Variants in MTUS2 observed in about 807,000 individuals in gnomAD.
The protein encoded by MTUS2 is microtubule-associated tumor suppressor candidate 2.
Under a neutral mutation model 114.1 loss-of-function variants are expected in MTUS2, and 40 were observed. That is an observed-to-expected ratio of 0.35 (90% CI 0.27 to 0.46). The LOEUF (loss-of-function observed/expected upper bound fraction) is 0.46, where lower values mean the gene tolerates loss of function less well. MTUS2 is among the 20% of genes least tolerant of loss of function. The pLI, the probability that MTUS2 is intolerant of heterozygous loss-of-function variation, is 1.00. For synonymous variants in MTUS2, 688 were observed against 672.0 expected (o/e 1.02, Z -0.37); for missense variants, 1,679 against 1,705.4 (o/e 0.98, Z 0.27).
rs536620100 is a variant in MTUS2, at chr13:29,376,059, G to A, written c.3117+16586G>A. ...TATATATGTGTGTGTGTGTGTGTGT[G>A]TATATATATTTATTTATTTATTTAA... On this transcript the variant is annotated intron_variant, in intron 8 of 15. Coordinates refer to ENST00000612955, the MANE Select transcript of MTUS2 (RefSeq NM_001033602.4). 9.6e-3 allele frequency among the ~76,000 whole-genome samples: 1,367 copies of A among 142,996 alleles called. 14 individuals carry two copies. Among genetic ancestry groups the A allele is most frequent in the African/African-American group, 0.027 (1,036 of 38,810 alleles). 93.8% of individuals were successfully genotyped at this position (142,996 alleles called of 152,430 possible). A position where few individuals can be genotyped will look rare whatever the true frequency, so the allele number is the denominator to read the frequency against.
chr13:28,969,462 G>T (rs1267693236), intron 2 of MTUS2, among the ~76,000 whole-genome samples: 1 of 151,778 alleles, frequency 6.6e-6, no homozygotes, highest in Non-Finnish European at 1.5e-5. Flanking sequence ...TTATTATGAT[G>T]ATTATTATTT....
chr13:28,991,541 T>G (rs2138338854), intron 2 of MTUS2, among the ~76,000 whole-genome samples: 1 of 152,194 alleles, frequency 6.6e-6, no homozygotes, highest in Admixed American at 6.5e-5. Flanking sequence ...GCTAATTTTT[T>G]GTATTTTTAG....
chr13:29,368,122 T>G (rs1870886215), intron 8 of MTUS2, among the ~76,000 whole-genome samples: 1 of 151,884 alleles, frequency 6.6e-6, no homozygotes, highest in Admixed American at 6.6e-5. Context: ...GTATTTTTAG[T>G]GGAGACAGGG....
At chr13:29,497,427 G>C in intron 13 of MTUS2, 91 bp downstream of exon 13, 10 of 1,109,536 alleles carry the variant, frequency 9.0e-6, no homozygotes, top group Non-Finnish European at 1.3e-5. Context: ...CCAAGACAAG[G>C]CCTCTCTGTG....
rs201781469 is a variant in MTUS2, at chr13:29,403,881, TA to T, written c.3118-36101del. ...TCTATCTGGTTTCTCCTGCCTTCCT[TA>T]CTCTTCCTCATATTTTTCCCATCTT... On this transcript the variant is annotated intron_variant, in intron 8 of 15. Transcript: ENST00000612955. Among the ~76,000 whole-genome samples, 811 of 152,196 alleles carry T rather than the reference TA, an allele frequency of 5.3e-3. 3 individuals carry two copies. Among genetic ancestry groups the T allele is most frequent in the Non-Finnish European group, 8.0e-3 (545 of 68,008 alleles).
chr13:29,246,262 A>G (rs1397273999), intron 5 of MTUS2, among the ~76,000 whole-genome samples: 1 of 152,234 alleles, frequency 6.6e-6, no homozygotes, highest in Non-Finnish European at 1.5e-5. Flanking sequence ...TAAAAGGGAC[A>G]GCAGGCAAGA....
At chr13:29,036,414 C>G (rs1344986184) in intron 4 of MTUS2, among the ~76,000 whole-genome samples, 1 of 152,146 alleles carries the variant, frequency 6.6e-6, no homozygotes, top group Non-Finnish European at 1.5e-5. Context: ...TTGTTTACAT[C>G]TAACCTCCTT....
intron 4 of MTUS2, among the ~76,000 whole-genome samples, chr13:29,083,610 GCA>G (rs1889541226): frequency 6.6e-6 from 1 of 152,124 alleles, no homozygotes; most frequent in African/African-American, 2.4e-5. Flanking sequence ...TAGCACTATG[GCA>G]TTAAGGTTAC....
intron 8 of MTUS2, among the ~76,000 whole-genome samples, chr13:29,390,716 G>C (rs1478770049): frequency 6.6e-6 from 1 of 151,614 alleles, no homozygotes; most frequent in Non-Finnish European, 1.5e-5. Context: ...AATCGGTGTT[G>C]GTTTAGGAAC....
intron 5 of MTUS2, among the ~76,000 whole-genome samples, chr13:29,237,939 AAAAAG>A (rs1167303186): frequency 1.3e-5 from 2 of 152,206 alleles, no homozygotes; most frequent in Non-Finnish European, 1.5e-5. Flanking sequence ...AAAAAAAGAA[AAAAAG>A]AAAAGAAACA....
intron 9 of MTUS2, among the ~76,000 whole-genome samples, chr13:29,475,898 G>A (rs553120815): frequency 1.3e-5 from 2 of 152,228 alleles, no homozygotes; most frequent in East Asian, 1.9e-4. Context: ...CTAAGTGTAT[G>A]GTGTTTCTAA....
chr13:29,027,101 T>G (rs1186379044), intron 3 of MTUS2, among the ~76,000 whole-genome samples, 198 bp downstream of exon 3: 1 of 152,238 alleles, frequency 6.6e-6, no homozygotes, highest in African/African-American at 2.4e-5. Context: ...AGAGTCTGAT[T>G]ATCTTAATAA....
chr13:28,903,948 A>G (rs780943192), intron 2 of MTUS2, among the ~76,000 whole-genome samples: 4 of 152,058 alleles, frequency 2.6e-5, no homozygotes, highest in African/African-American at 4.8e-5. Context: ...TTTAATGATC[A>G]CCATTCTAAC....
chr13:29,206,625 C>T (rs187817579), intron 5 of MTUS2, among the ~76,000 whole-genome samples: 5 of 152,160 alleles, frequency 3.3e-5, no homozygotes, highest in South Asian at 4.1e-4. Context: ...CTTCTGCATG[C>T]GGCTTGCCAG....
At chr13:29,027,135 C>A (rs1342998511) in intron 3 of MTUS2, among the ~76,000 whole-genome samples, 1 of 152,064 alleles carries the variant, frequency 6.6e-6, no homozygotes, top group Non-Finnish European at 1.5e-5. Flanking sequence ...TCTAAGGAGA[C>A]CCATTTAAAT....
chr13:29,222,995 G>T (rs1356202168), intron 5 of MTUS2, among the ~76,000 whole-genome samples: 1 of 152,168 alleles, frequency 6.6e-6, no homozygotes, highest in Non-Finnish European at 1.5e-5. Flanking sequence ...ACTAAGGGTG[G>T]CTCAGTGTGG....
chr13:29,435,711 C>T (rs1243919712), intron 8 of MTUS2, among the ~76,000 whole-genome samples: 1 of 152,224 alleles, frequency 6.6e-6, no homozygotes, highest in Non-Finnish European at 1.5e-5. Context: ...CTACGTCATT[C>T]TGGTTTGGCT....
intron 2 of MTUS2, among the ~76,000 whole-genome samples, chr13:28,951,802 G>GA (rs1161563269): frequency 1.8e-3 from 254 of 144,660 alleles, no homozygotes; most frequent in Middle Eastern, 3.5e-3. Context: ...CTGGCTCAAA[G>GA]AAAAAAAAAA....
intron 7 of MTUS2, among the ~76,000 whole-genome samples, chr13:29,338,118 C>T (rs1901176874): frequency 6.6e-6 from 1 of 151,934 alleles, no homozygotes; most frequent in Admixed American, 6.6e-5. Context: ...GCCAGCCACC[C>T]TACCTTTTCT....
Sources: gnomAD v4.1 joint callset for allele counts (sites outside exome capture counted in the v4.1 genomes callset) on GRCh38, gnomAD v4.1.1 for gene constraint, MANE v1.5 for transcripts, NCBI Gene and HGNC (gene_info 2026-07-23, HGNC 2026-07-21) for gene names.